ANKS1B: variants seen among roughly 807,000 people sequenced by gnomAD.
ANKS1B encodes ankyrin repeat and sterile alpha motif domain-containing protein 1B.
A neutral mutation model predicts 148.3 loss-of-function variants in ANKS1B; 36 were observed. That is an observed-to-expected ratio of 0.24 (90% confidence interval 0.19 to 0.32). The LOEUF (loss-of-function observed/expected upper bound fraction) is 0.32. ANKS1B is among the 10% of genes least tolerant of loss of function. The pLI is 1.00. For synonymous variants in ANKS1B, 542 were observed against 560.8 expected (o/e 0.97, Z 0.47); for missense variants, 1,157 against 1,542.6 (o/e 0.75, Z 4.19).
intron 9 of ANKS1B, among the ~76,000 whole-genome samples, chr12:99,566,514 G>A (rs962196137): frequency 2.6e-5 from 4 of 152,130 alleles, no homozygotes; most frequent in African/African-American, 7.2e-5. Flanking sequence ...TGGTTTGAAT[G>A]TGTCCCCTAA....
chr12:99,864,011 T>C (rs1838643418), intron 1 of ANKS1B, among the ~76,000 whole-genome samples: 1 of 144,362 alleles, frequency 6.9e-6, no homozygotes, highest in African/African-American at 2.6e-5. Context: ...AGAGGTTGAG[T>C]TGGAGGTTGC....
intron 8 of ANKS1B, among the ~76,000 whole-genome samples, chr12:99,675,864 C>T (rs1376913601): frequency 6.6e-6 from 1 of 152,000 alleles, no homozygotes; most frequent in East Asian, 1.9e-4. Flanking sequence ...ATGTTATTGG[C>T]ATGGGAAAAT....
chr12:99,765,947 T>G (rs1265403849), intron 8 of ANKS1B, among the ~76,000 whole-genome samples: 2 of 151,844 alleles, frequency 1.3e-5, no homozygotes, highest in Non-Finnish European at 2.9e-5. Flanking sequence ...CAGAACAGAG[T>G]TGTACAACCA....
At chr12:99,125,338 G>T (rs2064019188) in intron 15 of ANKS1B, among the ~76,000 whole-genome samples, 2 of 152,142 alleles carry the variant, frequency 1.3e-5, no homozygotes, top group Non-Finnish European at 2.9e-5. Context: ...CATTATCAAA[G>T]AAGTCATTTC....
intron 22 of ANKS1B, among the ~76,000 whole-genome samples, chr12:98,797,038 A>G (rs1487345676): frequency 6.6e-6 from 1 of 152,186 alleles, no homozygotes; most frequent in Non-Finnish European, 1.5e-5. Context: ...AGAGTATTAA[A>G]TCAGAGATGC....
chr12:99,490,944 T>C (rs2152966646), intron 10 of ANKS1B, among the ~76,000 whole-genome samples: 1 of 152,354 alleles, frequency 6.6e-6, no homozygotes, highest in East Asian at 1.9e-4. Flanking sequence ...AGATTATATT[T>C]TCAGTATAAA....
intron 17 of ANKS1B, among the ~76,000 whole-genome samples, chr12:99,047,581 G>T (rs2099963332): frequency 6.6e-6 from 1 of 152,132 alleles, no homozygotes; most frequent in South Asian, 2.1e-4. Flanking sequence ...CTTCAGTGCA[G>T]CCAGGGGGAA....
chr12:99,034,675 T>C (rs2099954410), intron 17 of ANKS1B, among the ~76,000 whole-genome samples: 1 of 152,136 alleles, frequency 6.6e-6, no homozygotes, highest in Non-Finnish European at 1.5e-5. Flanking sequence ...TGATGAAAGA[T>C]AGGAAGATGG....
intron 11 of ANKS1B, among the ~76,000 whole-genome samples, chr12:99,412,735 G>A (rs747426002): frequency 9.2e-5 from 14 of 152,048 alleles, no homozygotes; most frequent in South Asian, 2.1e-4. Context: ...AAACACTTGC[G>A]ATCCACTCAG....
intron 17 of ANKS1B, among the ~76,000 whole-genome samples, chr12:98,886,025 A>G (rs1255986741): frequency 6.6e-6 from 1 of 152,088 alleles, no homozygotes; most frequent in Non-Finnish European, 1.5e-5. Context: ...AAAGAGAGGA[A>G]GGAAAGAGGG....
chr12:99,793,963 A>C (rs912571792), intron 4 of ANKS1B, among the ~76,000 whole-genome samples: 24 of 152,232 alleles, frequency 1.6e-4, no homozygotes, highest in African/African-American at 5.8e-4. Flanking sequence ...AGGAACAAAA[A>C]AACTTTACAG....
chr12:98,964,272 G>C (rs1231523286), intron 17 of ANKS1B, among the ~76,000 whole-genome samples: 1 of 152,102 alleles, frequency 6.6e-6, no homozygotes, highest in African/African-American at 2.4e-5. Flanking sequence ...AGTTAAAAAG[G>C]CTTTTATTCA....
chr12:99,682,751 A>C (rs1478505251), intron 8 of ANKS1B, among the ~76,000 whole-genome samples: 2 of 152,130 alleles, frequency 1.3e-5, no homozygotes, highest in African/African-American at 4.8e-5. Flanking sequence ...AGAAATAACC[A>C]AGATCAGAGT....
At chr12:99,481,172 T>C (rs1389127387) in intron 10 of ANKS1B, among the ~76,000 whole-genome samples, 3 of 151,688 alleles carry the variant, frequency 2.0e-5, no homozygotes, top group African/African-American at 7.3e-5. Flanking sequence ...TGTTTTTTTA[T>C]CCCTAGCTAC....
chr12:99,542,925 G>T (rs1479923733), intron 9 of ANKS1B, among the ~76,000 whole-genome samples: 1 of 152,024 alleles, frequency 6.6e-6, no homozygotes, highest in Non-Finnish European at 1.5e-5. Context: ...ACCTTGGATA[G>T]GGTAATGGTT....
chr12:99,462,287 G>A (rs1271424220), intron 10 of ANKS1B, among the ~76,000 whole-genome samples: 8 of 152,330 alleles, frequency 5.3e-5, no homozygotes, highest in Middle Eastern at 3.4e-3. Context: ...CCTTCCAGGT[G>A]CAAGCTGCTT....
chr12:99,114,132 C>A (rs2060854106), intron 15 of ANKS1B, among the ~76,000 whole-genome samples: 1 of 152,168 alleles, frequency 6.6e-6, no homozygotes, highest in Non-Finnish European at 1.5e-5. Context: ...TGATCATTTT[C>A]ATTTCACCAA....
intron 2 of ANKS1B, among the ~76,000 whole-genome samples, chr12:99,815,305 G>T (rs918727787): frequency 1.3e-5 from 2 of 151,672 alleles, no homozygotes; most frequent in Non-Finnish European, 3.0e-5. Context: ...CTAATCATTT[G>T]TATTTTCTAG....
chr12:99,370,772 T>TA (rs908345253), intron 12 of ANKS1B, among the ~76,000 whole-genome samples: 2 of 152,184 alleles, frequency 1.3e-5, no homozygotes, highest in Non-Finnish European at 2.9e-5. Flanking sequence ...TACTGCCTTT[T>TA]AAAAATGACC....
Sources: allele counts gnomAD v4.1 joint callset (sites outside exome capture counted in the v4.1 genomes callset), GRCh38; gene constraint gnomAD v4.1.1; transcripts MANE v1.5; gene names NCBI Gene and HGNC (gene_info 2026-07-23, HGNC 2026-07-21).